Variants in GUCY1A2 observed in about 807,000 individuals in gnomAD.
GUCY1A2 encodes the protein guanylate cyclase 1 soluble subunit alpha 2.
A neutral mutation model predicts 63.5 loss-of-function variants in GUCY1A2; 27 were observed. That is an observed-to-expected ratio of 0.43 (90% CI 0.31 to 0.59). GUCY1A2 has a LOEUF of 0.59. Among genes scored for constraint, GUCY1A2 ranks in the 20% least tolerant of loss-of-function variants. The pLI is 0.11. For synonymous variants in GUCY1A2, 364 were observed against 343.5 expected (o/e 1.06, Z -0.66); for missense variants, 768 against 913.3 (o/e 0.84, Z 2.05).
intron 6 of GUCY1A2, among the ~76,000 whole-genome samples, chr11:106,732,715 A>T (rs1326323249): frequency 1.3e-5 from 2 of 152,158 alleles, no homozygotes; most frequent in African/African-American, 4.8e-5. Flanking sequence ...TTCCTTTAGG[A>T]TGGACAGTTT....
At chr11:106,887,661 T>C (rs1859917515) in intron 4 of GUCY1A2, among the ~76,000 whole-genome samples, 1 of 152,140 alleles carries the variant, frequency 6.6e-6, no homozygotes, top group Admixed American at 6.6e-5. Flanking sequence ...CTGCCACCCT[T>C]ATGTTGTATC....
intron 6 of GUCY1A2, among the ~76,000 whole-genome samples, chr11:106,756,133 G>A (rs190443465): frequency 2.0e-5 from 3 of 152,196 alleles, no homozygotes; most frequent in African/African-American, 7.2e-5. Context: ...ATCTTTGTTG[G>A]TTTGAAGTCT....
chr11:106,896,194 C>T (rs1160416066), intron 4 of GUCY1A2, among the ~76,000 whole-genome samples: 1 of 151,874 alleles, frequency 6.6e-6, no homozygotes, highest in African/African-American at 2.4e-5. Context: ...TAATCCATCA[C>T]ATCAATAGGC....
intron 6 of GUCY1A2, among the ~76,000 whole-genome samples, chr11:106,766,494 T>G (rs1251602830): frequency 6.6e-6 from 1 of 152,112 alleles, no homozygotes; most frequent in Non-Finnish European, 1.5e-5. Flanking sequence ...TATAATTGGT[T>G]GGTAAATTAT....
chr11:106,965,785 T>C lies in GUCY1A2; in HGVS notation c.487+12834A>G, dbSNP rs190266748. ...GATGAACACCACTCGGGACTTTGTC[T>C]AGCCCAAAATACAATGCTACAGCCT... On this transcript the variant is annotated intron_variant, in intron 3 of 7. Transcript: ENST00000526355. 2.9e-3 allele frequency among the ~76,000 whole-genome samples: 446 copies of C among 152,240 alleles called. 1 individual carries two copies. The highest frequency in any genetic ancestry group is 5.3e-3 in the Non-Finnish European group (359 of 68,020).
At chr11:106,924,125 T>C (rs538288951) in intron 4 of GUCY1A2, among the ~76,000 whole-genome samples, 39 of 152,200 alleles carry the variant, frequency 2.6e-4, no homozygotes, top group Non-Finnish European at 3.8e-4. Flanking sequence ...TGTTTTGTCA[T>C]AACATTTTTA....
rs72279704 is a variant in GUCY1A2, at chr11:106,808,260, ATG to A, written c.1692+1731_1692+1732del. Among the ~76,000 whole-genome samples, 1,177 of 152,084 alleles carry A rather than the reference ATG, an allele frequency of 7.7e-3. 78 individuals are homozygous for A. The East Asian group carries it at 0.15, about 19-fold the overall frequency. On this transcript the variant is annotated intron_variant, in intron 5 of 7. Coordinates refer to ENST00000526355, the MANE Select transcript of GUCY1A2 (RefSeq NM_000855.3). ...AAAAGTTGTGAACTAGAATTATTAT[ATG>A]TGTGTGTGTATATATATATATTTAT...
chr11:106,886,694 T>G (rs1242672952), intron 4 of GUCY1A2, among the ~76,000 whole-genome samples: 1 of 152,150 alleles, frequency 6.6e-6, no homozygotes, highest in Admixed American at 6.5e-5. Flanking sequence ...ACCATGACTA[T>G]TCAACTGTCT....
intron 5 of GUCY1A2, among the ~76,000 whole-genome samples, chr11:106,786,039 C>T (rs528436666): frequency 6.6e-6 from 1 of 152,276 alleles, no homozygotes; most frequent in South Asian, 2.1e-4. Context: ...ACTACAACAA[C>T]CAGTCCAAAT....
intron 4 of GUCY1A2, among the ~76,000 whole-genome samples, chr11:106,853,006 C>G (rs1859377078): frequency 6.6e-6 from 1 of 152,144 alleles, no homozygotes; most frequent in Non-Finnish European, 1.5e-5. Flanking sequence ...GTTGGAAAAT[C>G]TGCTGTTAGT....
chr11:106,803,755 A>T (rs895677013), intron 5 of GUCY1A2, among the ~76,000 whole-genome samples: 1 of 152,220 alleles, frequency 6.6e-6, no homozygotes, highest in Non-Finnish European at 1.5e-5. Context: ...ATAACCCATG[A>T]AAGGTGGAAT....
chr11:106,828,150 G>C (rs1858999986), intron 4 of GUCY1A2, among the ~76,000 whole-genome samples: 1 of 151,242 alleles, frequency 6.6e-6, no homozygotes, highest in Non-Finnish European at 1.5e-5. Context: ...CCGTTCTGTT[G>C]TCTGTTTGTT....
chr11:106,682,316 T>A lies in GUCY1A2; in HGVS notation c.*5233A>T, dbSNP rs1056018809. On this transcript the variant is annotated 3_prime_UTR_variant, in exon 8 of 8. Coordinates refer to ENST00000526355, the MANE Select transcript of GUCY1A2 (RefSeq NM_000855.3). ...TTGTATTTATTCCTAGTAATTGGGA[T>A]TATTTGAATACTTTTCAATGATTCC... The A allele has an allele frequency of 1.8e-5, 4 of 217,670 alleles. No homozygotes were observed. Among genetic ancestry groups the A allele is most frequent in the African/African-American group, 9.0e-5 (4 of 44,438 alleles). The allele number at this position is 217,670 out of a possible 1,614,324, so 13.5% of individuals were successfully genotyped here.
rs59067320 is a variant in GUCY1A2, at chr11:106,909,355, CTGTG to C, written c.1206+30101_1206+30104del. Among the ~76,000 whole-genome samples, 914 of 120,030 alleles carry C rather than the reference CTGTG, an allele frequency of 7.6e-3. 23 individuals are homozygous for C. Among genetic ancestry groups the C allele is most frequent in the African/African-American group, 0.028 (864 of 31,314 alleles). The allele number at this position is 120,030 out of a possible 152,430, so 78.7% of individuals were successfully genotyped here. A position where few individuals can be genotyped will look rare whatever the true frequency, so the allele number is the denominator to read the frequency against. On this transcript the variant is annotated intron_variant, in intron 4 of 7. Coordinates refer to ENST00000526355, the MANE Select transcript of GUCY1A2 (RefSeq NM_000855.3). ...ATCTGATTTTCCTGGTGGTACTCAT[CTGTG>C]TGTGTGTGTGTGTGTGTGTGTGTGT...
intron 6 of GUCY1A2, among the ~76,000 whole-genome samples, chr11:106,770,329 A>G (rs1864234630): frequency 6.6e-6 from 1 of 152,134 alleles, no homozygotes; most frequent in South Asian, 2.1e-4. Context: ...CAAGAAAAAA[A>G]TGTCTATACA....
chr11:106,942,404 A>C (rs556961395), intron 3 of GUCY1A2, among the ~76,000 whole-genome samples: 567 of 152,282 alleles, frequency 3.7e-3, no homozygotes, highest in Non-Finnish European at 6.1e-3. Flanking sequence ...CTAAGATACA[A>C]GTTAAATTTA....
chr11:106,877,715 G>A (rs1219043870), intron 4 of GUCY1A2, among the ~76,000 whole-genome samples: 6 of 152,066 alleles, frequency 3.9e-5, no homozygotes, highest in Non-Finnish European at 7.4e-5. Context: ...CACAGGAATG[G>A]ACAAAGGTTT....
Position 106,677,935 on chromosome 11 carries a change from T to C in GUCY1A2, c.*9614A>G, listed in dbSNP as rs2135324715. ...AGAATTTTTTTTAGACAGAATAAAA[T>C]TGTTTTTAAGGATCAAATGAAAAAG... On this transcript the variant is annotated 3_prime_UTR_variant, in exon 8 of 8. Transcript: ENST00000526355. 1 of 201,040 alleles carries C rather than the reference T, an allele frequency of 5.0e-6. No individual in the cohort carries two copies. Among genetic ancestry groups the C allele is most frequent in the Admixed American group, 6.0e-5 (1 of 16,588 alleles). 12.5% of individuals were successfully genotyped at this position (201,040 alleles called of 1,614,324 possible).
At chr11:106,769,772 G>T (rs1459194672) in intron 6 of GUCY1A2, among the ~76,000 whole-genome samples, 3 of 152,126 alleles carry the variant, frequency 2.0e-5, no homozygotes, top group Non-Finnish European at 4.4e-5. Context: ...ATAAATGTGA[G>T]AAATGAGGAT....
Sources: allele counts gnomAD v4.1 joint callset (sites outside exome capture counted in the v4.1 genomes callset), GRCh38; gene constraint gnomAD v4.1.1; transcripts MANE v1.5; gene names NCBI Gene and HGNC (gene_info 2026-07-23, HGNC 2026-07-21).